Variants in ADGRL3 observed in about 807,000 individuals in gnomAD.
ADGRL3 encodes the protein adhesion G protein-coupled receptor L3, also known as calcium-independent alpha-latrotoxin receptor 3.
In ADGRL3, 62 loss-of-function variants were observed where a neutral mutation model predicts 153.5. The ratio of observed to expected loss-of-function variants is 0.40; its 90% CI spans 0.33 to 0.50. ADGRL3 has a LOEUF of 0.50. Among genes scored for constraint, ADGRL3 ranks in the 20% least tolerant of loss-of-function variants. The pLI, the probability that ADGRL3 is intolerant of heterozygous loss-of-function variation, is 0.47. For missense variants in ADGRL3, 1,641 were observed against 1,859.4 expected (o/e 0.88, Z 2.16); for synonymous variants, 710 against 672.5 (o/e 1.06, Z -0.86).
intron 4 of ADGRL3, among the ~76,000 whole-genome samples, chr4:61,571,625 C>T (rs2098839412): frequency 6.6e-6 from 1 of 152,146 alleles, no homozygotes; most frequent in South Asian, 2.1e-4. Flanking sequence ...AGATGGCTCT[C>T]TGTGCCTGCG....
At chr4:61,362,343 T>TAC (rs2096298238) in intron 1 of ADGRL3, among the ~76,000 whole-genome samples, 1 of 150,670 alleles carries the variant, frequency 6.6e-6, no homozygotes, top group African/African-American at 2.5e-5. Context: ...TATATATATA[T>TAC]ATACACACAC....
chr4:61,926,917 T>G (rs915030323), intron 13 of ADGRL3, among the ~76,000 whole-genome samples: 7 of 152,210 alleles, frequency 4.6e-5, no homozygotes, highest in Non-Finnish European at 2.9e-5. Flanking sequence ...TTGCAGTGCC[T>G]ATTCTCTTTC....
At chr4:61,423,630 G>A (rs2097238445) in intron 2 of ADGRL3, among the ~76,000 whole-genome samples, 1 of 152,206 alleles carries the variant, frequency 6.6e-6, no homozygotes, top group Non-Finnish European at 1.5e-5. Context: ...ATTAGGGCCA[G>A]TAATGCCATT....
At chr4:61,637,505 T>A (rs938996448) in intron 5 of ADGRL3, among the ~76,000 whole-genome samples, 11 of 152,186 alleles carry the variant, frequency 7.2e-5, no homozygotes, top group African/African-American at 2.7e-4. Context: ...GACTTACACC[T>A]GTAATCCCAG....
At chr4:61,835,438 A>C (rs2097921315) in intron 9 of ADGRL3, among the ~76,000 whole-genome samples, 3 of 151,970 alleles carry the variant, frequency 2.0e-5, no homozygotes, top group Admixed American at 6.6e-5. Flanking sequence ...AAGAAGAGAA[A>C]AACATAAAGG....
At chr4:61,749,718 G>T (rs966950386) in intron 8 of ADGRL3, among the ~76,000 whole-genome samples, 1 of 152,048 alleles carries the variant, frequency 6.6e-6, no homozygotes, top group Admixed American at 6.6e-5. Flanking sequence ...GTAGGGTGGG[G>T]GGTGGAGGGA....
In ADGRL3 at chr4:61,379,983, C is replaced by T. The variant is rs533795082; in HGVS notation, c.-239-3141C>T. 1.7e-4 allele frequency among the ~76,000 whole-genome samples: 26 copies of T among 151,896 alleles called. 1 individual carries two copies. Among genetic ancestry groups the T allele is most frequent in the African/African-American group, 6.0e-4 (25 of 41,482 alleles). On this transcript the variant is annotated intron_variant, in intron 1 of 26. Coordinates refer to ENST00000683033, the MANE Select transcript of ADGRL3 (RefSeq NM_001387552.1). The stretch of plus-strand genomic sequence containing the variant: ...TTTTTGCCTTCAAATTCTGGCCTTG[C>T]CACTAATATCCATACCAACCTCAGA...
At chr4:61,292,099 G>A in intron 1 of ADGRL3, among the ~76,000 whole-genome samples, 1 of 151,658 alleles carries the variant, frequency 6.6e-6, no homozygotes, top group Non-Finnish European at 1.5e-5. Flanking sequence ...TATAAGGTTT[G>A]TAGGGTCAAA....
chr4:61,517,504 A>C lies in ADGRL3; in HGVS notation c.245A>C (p.Gln82Pro). Reference protein sequence around the residue: ...GVRGPGAQGAQIAAQAFSRAP... With the variant: ...GVRGPGAQGAPIAAQAFSRAP... ...CGCGGTCCAGGTGCCCAAGGAGCAC[A>C]GATTGCAGCGCAAGGTGCGGCCAGC... is the stretch of plus-strand genomic sequence containing the variant. The change falls in exon 4 of 27, where the codon CAG becomes CCG. Residue 82 changes from glutamine to proline, a missense_variant. Physicochemically the swap from Gln to Pro is moderately conservative, Grantham distance 76 (BLOSUM62 -1). Coordinates refer to ENST00000683033, the MANE Select transcript of ADGRL3 (RefSeq NM_001387552.1). 1 of 710,968 alleles carries C rather than the reference A, an allele frequency of 1.4e-6. No homozygotes were observed. Among genetic ancestry groups the C allele is most frequent in the Non-Finnish European group, 2.5e-6 (1 of 393,254 alleles). 44.0% of individuals were successfully genotyped at this position (710,968 alleles called of 1,614,324 possible).
chr4:62,017,153 T>C (rs950908179), intron 21 of ADGRL3, among the ~76,000 whole-genome samples: 8 of 152,176 alleles, frequency 5.3e-5, no homozygotes, highest in South Asian at 4.1e-4. Flanking sequence ...AAAAATTATC[T>C]CTATACTTCT....
chr4:61,792,387 C>G (rs978919716), intron 8 of ADGRL3, among the ~76,000 whole-genome samples: 3 of 151,890 alleles, frequency 2.0e-5, no homozygotes, highest in Non-Finnish European at 2.9e-5. Flanking sequence ...ACCACTTTAA[C>G]CTGGACCTTA....
intron 9 of ADGRL3, among the ~76,000 whole-genome samples, chr4:61,873,978 A>T (rs1194306630): frequency 1.3e-5 from 2 of 152,208 alleles, no homozygotes; most frequent in African/African-American, 4.8e-5. Context: ...CTTGCTCTGA[A>T]TAAAGATATG....
At chr4:61,509,275 C>G (rs2098449546) in intron 3 of ADGRL3, among the ~76,000 whole-genome samples, 1 of 151,836 alleles carries the variant, frequency 6.6e-6, no homozygotes, top group Admixed American at 6.6e-5. Flanking sequence ...TTATAGGCAC[C>G]CGCCACCACT....
chr4:61,242,245 T>C (rs1755258908), intron 1 of ADGRL3, among the ~76,000 whole-genome samples: 1 of 152,040 alleles, frequency 6.6e-6, no homozygotes, highest in Non-Finnish European at 1.5e-5. Context: ...TCAATGAGGT[T>C]GGAGATTGTG....
At chr4:62,060,051 C>A (rs528327153) in intron 25 of ADGRL3, among the ~76,000 whole-genome samples, 187 of 151,634 alleles carry the variant, frequency 1.2e-3, no homozygotes, top group African/African-American at 4.3e-3. Context: ...ATGATTAATC[C>A]TTTTTTGTTC....
At chr4:61,765,435 G>T (rs892935181) in intron 8 of ADGRL3, among the ~76,000 whole-genome samples, 2 of 152,114 alleles carry the variant, frequency 1.3e-5, no homozygotes, top group Non-Finnish European at 2.9e-5. Flanking sequence ...TCCTTTTTAA[G>T]TTGGTGGCTG....
intron 2 of ADGRL3, among the ~76,000 whole-genome samples, chr4:61,485,923 T>G (rs948655545): frequency 1.1e-4 from 16 of 151,764 alleles, no homozygotes; most frequent in South Asian, 6.2e-4. Context: ...GCTTTTTTTT[T>G]TTTGTTTTGT....
chr4:61,323,460 C>G (rs1167282635), intron 1 of ADGRL3, among the ~76,000 whole-genome samples: 2 of 152,074 alleles, frequency 1.3e-5, no homozygotes, highest in Non-Finnish European at 2.9e-5. Context: ...TCTCTTTCCC[C>G]TTTGAAACTG....
At chr4:61,491,979 G>A (rs893568299) in intron 2 of ADGRL3, among the ~76,000 whole-genome samples, 2 of 151,736 alleles carry the variant, frequency 1.3e-5, no homozygotes, top group African/African-American at 4.8e-5. Context: ...AAAGTAAGTT[G>A]TAAGGTCATA....
Sources: allele counts gnomAD v4.1 joint callset (sites outside exome capture counted in the v4.1 genomes callset), GRCh38; gene constraint gnomAD v4.1.1; transcripts MANE v1.5; gene names NCBI Gene and HGNC (gene_info 2026-07-23, HGNC 2026-07-21).